KCNMA1: variants seen among roughly 807,000 people sequenced by gnomAD.
KCNMA1 encodes the protein potassium calcium-activated channel subfamily M alpha 1.
In KCNMA1, 29 loss-of-function variants were observed where a neutral mutation model predicts 140.0. The ratio of observed to expected loss-of-function variants is 0.21; its 90% CI spans 0.15 to 0.28. The LOEUF (loss-of-function observed/expected upper bound fraction) is 0.28, where lower values mean the gene tolerates loss of function less well. KCNMA1 is among the 10% of genes least tolerant of loss of function. The pLI, the probability that KCNMA1 is intolerant of heterozygous loss-of-function variation, is 1.00. For synonymous variants in KCNMA1, 612 were observed against 611.9 expected (o/e 1.00, Z 0.00); for missense variants, 880 against 1,602.2 (o/e 0.55, Z 7.70).
rs1350695863 is a variant in KCNMA1, at chr10:77,637,523, G to C, written c.120C>G (p.Ser40=). 6.4e-7 allele frequency: 1 copy of C among 1,560,238 alleles called. No homozygotes were observed. The highest frequency in any genetic ancestry group is 8.7e-7 in the Non-Finnish European group (1 of 1,146,768). The part of the protein sequence containing the change: ...HANHLSLDAS[S]SSSSSSSSSS... ...AAGAGGAAGAGGAGGAGGAGGAGGA[G>C]GAGGACGCGTCTAGGCTGAGATGGT... The change falls in exon 1 of 28, where the codon TCC becomes TCG. Residue 40 remains serine, a synonymous_variant. Transcript: ENST00000286628.
chr10:77,418,454 T>G (rs2096791252), intron 1 of KCNMA1, among the ~76,000 whole-genome samples: 1 of 152,156 alleles, frequency 6.6e-6, no homozygotes, highest in Non-Finnish European at 1.5e-5. Context: ...TTGCCTAACA[T>G]GGTTGAGGAA....
chr10:77,391,612 T>G (rs947963265), intron 2 of KCNMA1, among the ~76,000 whole-genome samples: 1 of 149,748 alleles, frequency 6.7e-6, no homozygotes. Flanking sequence ...GAAGTAGGTT[T>G]TTTGTTTGTT....
intron 3 of KCNMA1, among the ~76,000 whole-genome samples, chr10:77,215,742 T>A (rs1037677956): frequency 6.6e-6 from 1 of 152,182 alleles, no homozygotes. Context: ...CCCAGTGTTA[T>A]GGCATTTGGA....
intron 2 of KCNMA1, among the ~76,000 whole-genome samples, chr10:77,347,812 A>T (rs2092386547): frequency 6.6e-6 from 1 of 152,234 alleles, no homozygotes; most frequent in Non-Finnish European, 1.5e-5. Flanking sequence ...CTAACATAAT[A>T]ATAGCTACCA....
chr10:77,601,561 C>G (rs1354834203), intron 1 of KCNMA1, among the ~76,000 whole-genome samples: 2 of 152,126 alleles, frequency 1.3e-5, no homozygotes, highest in Non-Finnish European at 2.9e-5. Context: ...ATCTAGGCAC[C>G]AAAATATCTG....
intron 2 of KCNMA1, among the ~76,000 whole-genome samples, chr10:77,307,495 C>A (rs2078089370): frequency 6.6e-6 from 1 of 152,118 alleles, no homozygotes; most frequent in Non-Finnish European, 1.5e-5. Flanking sequence ...TAATTTTGCC[C>A]AACTATGAGC....
intron 5 of KCNMA1, among the ~76,000 whole-genome samples, chr10:77,178,705 C>CACAAAA (rs2098775743): frequency 6.6e-6 from 1 of 152,056 alleles, no homozygotes; most frequent in Non-Finnish European, 1.5e-5. Context: ...AACTCCAAAA[C>CACAAAA]ACAAAAACAA....
At chr10:77,497,429 G>A (rs2042352895) in intron 1 of KCNMA1, among the ~76,000 whole-genome samples, 1 of 152,144 alleles carries the variant, frequency 6.6e-6, no homozygotes, top group Non-Finnish European at 1.5e-5. Flanking sequence ...GAGGGTGGGT[G>A]AGCTCACAGA....
intron 2 of KCNMA1, among the ~76,000 whole-genome samples, chr10:77,299,121 G>T (rs535646400): frequency 6.6e-6 from 1 of 152,318 alleles, no homozygotes; most frequent in Admixed American, 6.5e-5. Flanking sequence ...TTTAAATTTA[G>T]ATTTGCATGC....
chr10:76,942,105 G>T (rs2152847918), intron 23 of KCNMA1, among the ~76,000 whole-genome samples: 1 of 152,270 alleles, frequency 6.6e-6, no homozygotes, highest in East Asian at 1.9e-4. Flanking sequence ...CCGAGTAGCT[G>T]GGATTATAGG....
chr10:77,385,617 G>C (rs1445439982), intron 2 of KCNMA1, among the ~76,000 whole-genome samples: 1 of 152,154 alleles, frequency 6.6e-6, no homozygotes, highest in Non-Finnish European at 1.5e-5. Flanking sequence ...AAGTGTATGC[G>C]AATACTCTCC....
chr10:77,477,469 A>G (rs145097280), intron 1 of KCNMA1, among the ~76,000 whole-genome samples: 217 of 152,330 alleles, frequency 1.4e-3, no homozygotes, highest in Non-Finnish European at 2.6e-3. Flanking sequence ...CTCTATGTCT[A>G]GGGATGACAA....
intron 9 of KCNMA1, among the ~76,000 whole-genome samples, chr10:77,100,044 T>C (rs1017010417): frequency 1.3e-5 from 2 of 150,884 alleles, no homozygotes; most frequent in Non-Finnish European, 3.0e-5. Context: ...TGAATAAAAT[T>C]CCTGAAAAAA....
intron 11 of KCNMA1, among the ~76,000 whole-genome samples, chr10:77,085,803 C>T (rs967351431): frequency 6.6e-6 from 1 of 152,116 alleles, no homozygotes; most frequent in Non-Finnish European, 1.5e-5. Context: ...TTAATGTACA[C>T]CCCCTGGCAT....
At chr10:77,444,133 C>T (rs184095497) in intron 1 of KCNMA1, among the ~76,000 whole-genome samples, 192 of 152,188 alleles carry the variant, frequency 1.3e-3, no homozygotes, top group African/African-American at 3.9e-3. Flanking sequence ...GGGATACTGA[C>T]CTGTATGCTA....
chr10:76,958,414 A>C (rs1294513254), intron 20 of KCNMA1, among the ~76,000 whole-genome samples: 1 of 152,218 alleles, frequency 6.6e-6, no homozygotes, highest in Non-Finnish European at 1.5e-5. Context: ...GCCAATGTAC[A>C]TGCCCTATTT....
At chr10:76,993,686 C>T (rs2083405449) in intron 19 of KCNMA1, among the ~76,000 whole-genome samples, 2 of 152,218 alleles carry the variant, frequency 1.3e-5, no homozygotes, top group Admixed American at 1.3e-4. Context: ...GCAGCCACAG[C>T]AGCCCTCCCA....
At chr10:77,337,763 CA>C (rs1279658607) in intron 2 of KCNMA1, among the ~76,000 whole-genome samples, 1 of 152,222 alleles carries the variant, frequency 6.6e-6, no homozygotes, top group Non-Finnish European at 1.5e-5. Flanking sequence ...CATTACCCTG[CA>C]CCCTCTGAAG....
At chr10:77,613,655 ACT>A (rs2154568424) in intron 1 of KCNMA1, among the ~76,000 whole-genome samples, 1 of 152,024 alleles carries the variant, frequency 6.6e-6, no homozygotes, top group African/African-American at 2.4e-5. Context: ...AACTATAATC[ACT>A]CTGTTCTCCG....
Sources: allele counts gnomAD v4.1 joint callset (sites outside exome capture counted in the v4.1 genomes callset), GRCh38; gene constraint gnomAD v4.1.1; transcripts MANE v1.5; gene names NCBI Gene and HGNC (gene_info 2026-07-23, HGNC 2026-07-21).